The following WDR41 variants were observed in gnomAD, a reference collection of about 807,000 sequenced individuals.
WDR41 encodes the protein WD repeat domain 41.
A neutral mutation model predicts 69.3 loss-of-function variants in WDR41; 63 were observed. That is an observed-to-expected ratio of 0.91 (90% CI 0.74 to 1.12). The LOEUF (loss-of-function observed/expected upper bound fraction) is 1.12. Among genes scored for constraint, WDR41 ranks in the 50% most tolerant of loss-of-function variants. The pLI is 0.00. For missense variants in WDR41, 543 were observed against 534.5 expected, an observed-to-expected ratio of 1.02 and a Z score of -0.16; for synonymous variants, 185 against 192.1, an observed-to-expected ratio of 0.96 and a Z score of 0.31.
chr5:77,620,396 A>C, intron 1 of WDR41: 1 of 438,362 alleles, frequency 2.3e-6, no homozygotes, highest in Non-Finnish European at 4.6e-6. Context: ...AATAGGGGAA[A>C]AGAATTTGAA....
chr5:77,548,377 T>C (rs1743236843), intron 1 of WDR41, among the ~76,000 whole-genome samples: 1 of 152,204 alleles, frequency 6.6e-6, no homozygotes, highest in Non-Finnish European at 1.5e-5. Context: ...CTTCACAATC[T>C]ATACATCTGA....
intron 1 of WDR41, among the ~76,000 whole-genome samples, chr5:77,592,620 G>C (rs576277203): frequency 1.8e-4 from 27 of 152,278 alleles, no homozygotes; most frequent in Middle Eastern, 3.4e-3. Context: ...GGCAACAGAG[G>C]TGTCCAAGAG....
At chr5:77,528,864 AACT>A (rs1315416096) in intron 1 of WDR41, among the ~76,000 whole-genome samples, 6 of 151,596 alleles carry the variant, frequency 4.0e-5, no homozygotes, top group African/African-American at 1.4e-4. Context: ...ACTTTCAGCA[AACT>A]ACAATTAGAA....
At chr5:77,476,024 T>C (rs1351817018) in intron 2 of WDR41, among the ~76,000 whole-genome samples, 2 of 152,016 alleles carry the variant, frequency 1.3e-5, no homozygotes, top group Non-Finnish European at 2.9e-5. Context: ...ACATGAAGAA[T>C]GCAGAAGCCT....
chr5:77,466,529 T>C (rs1800315329), intron 2 of WDR41, among the ~76,000 whole-genome samples: 1 of 151,930 alleles, frequency 6.6e-6, no homozygotes, highest in African/African-American at 2.4e-5. Context: ...ATACTTTTTT[T>C]CTAACCCTAA....
At chr5:77,549,815 G>A (rs1580004716) in intron 1 of WDR41, among the ~76,000 whole-genome samples, 1 of 152,186 alleles carries the variant, frequency 6.6e-6, no homozygotes, top group African/African-American at 2.4e-5. Flanking sequence ...GAGTGAAGCA[G>A]GAGGCATCAC....
Position 77,608,825 on chromosome 5 carries a change from C to T in WDR41, c.42+11654G>A, listed in dbSNP as rs575483893. On this transcript the variant is annotated intron_variant, in intron 1 of 5. Transcript: ENST00000509971. ...GGCGCAGGACAGGGGTGCAGTGCAC[C>T]GTGCGCAAGCCGAAGCAGGGCGAGG... Among the ~76,000 whole-genome samples, 11 of 152,290 alleles carry T rather than the reference C, an allele frequency of 7.2e-5. No individual in the cohort carries two copies. The South Asian group carries it at 1.0e-3, about 14-fold the overall frequency.
At chr5:77,477,048 A>C (rs1800973114) in intron 2 of WDR41, among the ~76,000 whole-genome samples, 1 of 149,106 alleles carries the variant, frequency 6.7e-6, no homozygotes, top group Non-Finnish European at 1.5e-5. Context: ...AACAGACTTT[A>C]AACCAACAAA....
intron 7 of WDR41, among the ~76,000 whole-genome samples, chr5:77,450,629 G>C (rs949342024): frequency 2.8e-4 from 42 of 152,132 alleles, no homozygotes; most frequent in African/African-American, 9.7e-4. Flanking sequence ...CAAATGCTCA[G>C]TCTAGAGTGG....
At chr5:77,576,301 A>AC (rs1290993735) in intron 1 of WDR41, among the ~76,000 whole-genome samples, 3 of 150,314 alleles carry the variant, frequency 2.0e-5, no homozygotes, top group African/African-American at 7.4e-5. Flanking sequence ...CACCTTCACT[A>AC]CCCCCCTCAA....
At chr5:77,600,601 G>A (rs1412649223) in intron 1 of WDR41, among the ~76,000 whole-genome samples, 1 of 152,160 alleles carries the variant, frequency 6.6e-6, no homozygotes, top group East Asian at 1.9e-4. Context: ...CATAGTTGAG[G>A]CCGGGCACAG....
chr5:77,620,240 C>T (rs1452721260), intron 1 of WDR41, among the ~76,000 whole-genome samples: 9 of 152,104 alleles, frequency 5.9e-5, no homozygotes, highest in Non-Finnish European at 1.3e-4. Context: ...CCTTACTTGC[C>T]TCCTACTGCT....
At chr5:77,439,622 A>C (rs376102069) in intron 9 of WDR41, among the ~76,000 whole-genome samples, 37 of 152,378 alleles carry the variant, frequency 2.4e-4, no homozygotes, top group African/African-American at 8.2e-4. Flanking sequence ...CTTTGGAGGC[A>C]GCATTTACTC....
At chr5:77,547,274 C>T (rs1233367930) in intron 1 of WDR41, among the ~76,000 whole-genome samples, 3 of 151,892 alleles carry the variant, frequency 2.0e-5, no homozygotes, top group Non-Finnish European at 2.9e-5. Flanking sequence ...CTAGGTAGAG[C>T]AATCAGACAA....
At chr5:77,612,038 C>A (rs1372665040) in intron 1 of WDR41, among the ~76,000 whole-genome samples, 1 of 152,152 alleles carries the variant, frequency 6.6e-6, no homozygotes, top group Non-Finnish European at 1.5e-5. Flanking sequence ...ACTAGAAAAT[C>A]TAGAAGAAAT....
upstream of WDR41, chr5:77,492,459 C>G (rs1399165939): frequency 4.5e-6 from 2 of 448,342 alleles, no homozygotes; most frequent in African/African-American, 2.0e-5. Context: ...GTGCGGCGGC[C>G]GACGGCGGGG....
At chr5:77,445,525 A>G (rs927971495) in intron 8 of WDR41, among the ~76,000 whole-genome samples, 14 of 152,320 alleles carry the variant, frequency 9.2e-5, no homozygotes, top group African/African-American at 3.1e-4. Context: ...AAAATCCTCA[A>G]TAAAATACTG....
intron 2 of WDR41, among the ~76,000 whole-genome samples, chr5:77,487,727 C>T (rs181234558): frequency 6.6e-6 from 1 of 152,180 alleles, no homozygotes; most frequent in Admixed American, 6.5e-5. Flanking sequence ...GAGATAACAT[C>T]AGGAAAGGGG....
chr5:77,614,624 C>T (rs1251943589), intron 1 of WDR41, among the ~76,000 whole-genome samples: 4 of 126,658 alleles, frequency 3.2e-5, no homozygotes, highest in African/African-American at 6.2e-5. Context: ...GGAAGGGGAA[C>T]ATCACACTCT....
Sources: gnomAD v4.1 joint callset for allele counts (sites outside exome capture counted in the v4.1 genomes callset) on GRCh38, gnomAD v4.1.1 for gene constraint, MANE v1.5 for transcripts, NCBI Gene and HGNC (gene_info 2026-07-23, HGNC 2026-07-21) for gene names.